BEND6: variants seen among roughly 807,000 people sequenced by gnomAD.
BEND6 encodes the protein BEN domain containing 6.
BEND6 carries 24 observed loss-of-function variants against 31.8 expected under a neutral mutation model. The ratio of observed to expected loss-of-function variants is 0.75; its 90% CI spans 0.55 to 1.06. The LOEUF (loss-of-function observed/expected upper bound fraction) is 1.06. BEND6 is among the 50% of genes least tolerant of loss of function. The pLI is 0.00. For missense variants in BEND6, 294 were observed against 327.4 expected (o/e 0.90, Z 0.79); for synonymous variants, 109 against 114.6 (o/e 0.95, Z 0.31).
At chr6:56,990,635 T>C (rs1826461090) in intron 2 of BEND6, among the ~76,000 whole-genome samples, 1 of 152,180 alleles carries the variant, frequency 6.6e-6, no homozygotes, top group Non-Finnish European at 1.5e-5. Context: ...AGCCTTTGTA[T>C]TTGTGAGGAA....
At chr6:56,983,832 A>T (rs2127854597) in intron 2 of BEND6, among the ~76,000 whole-genome samples, 1 of 152,268 alleles carries the variant, frequency 6.6e-6, no homozygotes, top group African/African-American at 2.4e-5. Flanking sequence ...TGTTTTATTT[A>T]TCCTTTCCTC....
chr6:56,998,853 A>G (rs1826823516), intron 3 of BEND6, among the ~76,000 whole-genome samples: 1 of 152,226 alleles, frequency 6.6e-6, no homozygotes, highest in Non-Finnish European at 1.5e-5. Flanking sequence ...GTGAAGAGAC[A>G]ACCTCTGAAA....
At chr6:56,995,939 CTCCA>C (rs1316896891) in intron 3 of BEND6, among the ~76,000 whole-genome samples, 1 of 152,188 alleles carries the variant, frequency 6.6e-6, no homozygotes, top group African/African-American at 2.4e-5. Flanking sequence ...TTGGACAACT[CTCCA>C]TCCTTGAAAA....
At position 56,981,774 on chromosome 6, in the gene BEND6, T is replaced by C; in HGVS notation, c.-37T>C. ...CATCTTCATGGGTATTCCCTACTCC[T>C]AGGATTTCAGAAAACCTTTGATAAC... On this transcript the variant is annotated 5_prime_UTR_variant, in exon 2 of 7. The change abolishes the stop of an existing upstream ORF in the 5' untranslated region. Transcript: ENST00000370746. 1 of 1,608,010 alleles carries C rather than the reference T, an allele frequency of 6.2e-7. No homozygotes were observed. Among genetic ancestry groups the C allele is most frequent in the Non-Finnish European group, 8.5e-7 (1 of 1,177,330 alleles).
chr6:56,990,227 A>G lies in BEND6; in HGVS notation c.121-2151A>G, dbSNP rs369620431. ...ATGTCAAAGTTCTTCATCTGCATGC[A>G]TCTATTTTGGGCCACTCGCTTCTTT... On this transcript the variant is annotated intron_variant, in intron 2 of 6. Transcript: ENST00000370746. 2.3e-4 allele frequency among the ~76,000 whole-genome samples: 33 copies of G among 143,204 alleles called. 1 individual carries two copies. The East Asian group carries it at 5.5e-3, about 24-fold the overall frequency. The allele number at this position is 143,204 out of a possible 152,430, so 93.9% of individuals were successfully genotyped here. A position where few individuals can be genotyped will look rare whatever the true frequency, so the allele number is the denominator to read the frequency against.
chr6:56,985,579 C>G (rs1826233384), intron 2 of BEND6, among the ~76,000 whole-genome samples: 2 of 152,184 alleles, frequency 1.3e-5, no homozygotes. Context: ...GTCCAAAATA[C>G]TCCTGCTCAT....
chr6:56,998,544 A>T (rs1826811091), intron 3 of BEND6, among the ~76,000 whole-genome samples: 1 of 152,216 alleles, frequency 6.6e-6, no homozygotes, highest in African/African-American at 2.4e-5. Flanking sequence ...AAAACAAAGC[A>T]TCAGCCAAAA....
intron 4 of BEND6, among the ~76,000 whole-genome samples, chr6:57,016,535 T>C (rs1242433916): frequency 6.6e-6 from 1 of 152,220 alleles, no homozygotes; most frequent in African/African-American, 2.4e-5. Flanking sequence ...CCCATTTTCT[T>C]GCTGGTTGTA....
chr6:56,963,122 T>C (rs1825345454), intron 1 of BEND6, among the ~76,000 whole-genome samples: 1 of 152,116 alleles, frequency 6.6e-6, no homozygotes, highest in African/African-American at 2.4e-5. Context: ...ACACAAACCA[T>C]TCCTGTTGCA....
chr6:56,989,141 G>C (rs1019621998), intron 2 of BEND6, among the ~76,000 whole-genome samples: 1 of 149,942 alleles, frequency 6.7e-6, no homozygotes, highest in Admixed American at 6.7e-5. Flanking sequence ...ATATATTATG[G>C]ATTATATATC....
At chr6:56,970,455 G>A (rs1175559583) in intron 1 of BEND6, among the ~76,000 whole-genome samples, 4 of 152,128 alleles carry the variant, frequency 2.6e-5, no homozygotes, top group South Asian at 2.1e-4. Context: ...GATTACAGGC[G>A]TGAACCACCA....
At position 57,017,224 on chromosome 6, in the gene BEND6, G is replaced by A; in HGVS notation, c.537G>A (p.Trp179Ter). 6.4e-7 allele frequency: 1 copy of A among 1,568,158 alleles called. No homozygotes were observed. The highest frequency in any genetic ancestry group is 8.6e-7 in the Non-Finnish European group (1 of 1,158,514). ...TDEKQFQIEK[W>*]QIARCNKSKP... Reference sequence around the variant, plus strand: ...CTTTTTAGTTCCAGATTGAAAAATGGCAGATTGCCCGTTGTAACAAGAGCA... The same window carrying A: ...CTTTTTAGTTCCAGATTGAAAAATGACAGATTGCCCGTTGTAACAAGAGCA... Residue 179 changes from tryptophan to a stop codon, truncating the protein, a stop_gained, in exon 5 of 7, where the codon TGG becomes TGA. Coordinates refer to ENST00000370746, the MANE Select transcript of BEND6 (RefSeq NM_152731.3). LOFTEE classifies it high-confidence loss of function.
chr6:56,991,994 T>G (rs1168210254), intron 2 of BEND6, among the ~76,000 whole-genome samples: 8 of 152,238 alleles, frequency 5.3e-5, no homozygotes. Flanking sequence ...CTGTGTGTAT[T>G]CACAGGCGAA....
chr6:56,981,585 TA>T (rs1826070642), intron 1 of BEND6, 125 bp from the exon 2 acceptor site: 1 of 338,980 alleles, frequency 3.0e-6, no homozygotes, highest in Non-Finnish European at 5.3e-6. Flanking sequence ...AAATGTGTAC[TA>T]AATTAATCAG....
intron 4 of BEND6, among the ~76,000 whole-genome samples, chr6:57,015,763 A>G (rs1477487296): frequency 6.6e-6 from 1 of 150,596 alleles, no homozygotes; most frequent in Non-Finnish European, 1.5e-5. Flanking sequence ...CGAGATCGAG[A>G]TAGTGCCACT....
chr6:56,980,386 A>C (rs1044693648), intron 1 of BEND6, among the ~76,000 whole-genome samples: 1 of 152,128 alleles, frequency 6.6e-6, no homozygotes, highest in Non-Finnish European at 1.5e-5. Flanking sequence ...ATGGGGTTTC[A>C]CCATGTTGCC....
At chr6:56,972,252 G>A (rs1301624965) in intron 1 of BEND6, among the ~76,000 whole-genome samples, 7 of 151,624 alleles carry the variant, frequency 4.6e-5, no homozygotes, top group Non-Finnish European at 8.8e-5. Context: ...GCGCCACCAG[G>A]CCTGACTAAT....
chr6:56,970,341 C>G (rs373528470), intron 1 of BEND6, among the ~76,000 whole-genome samples: 1 of 152,040 alleles, frequency 6.6e-6, no homozygotes, highest in African/African-American at 2.4e-5. Context: ...ATTACAGGCA[C>G]GTGCCACCAT....
chr6:56,999,304 G>A (rs1346660211), intron 3 of BEND6, among the ~76,000 whole-genome samples: 1 of 152,208 alleles, frequency 6.6e-6, no homozygotes, highest in East Asian at 1.9e-4. Context: ...TCATGCCCAG[G>A]CAGATCTCCA....
Sources: allele counts gnomAD v4.1 joint callset (sites outside exome capture counted in the v4.1 genomes callset), GRCh38; gene constraint gnomAD v4.1.1; transcripts MANE v1.5; gene names NCBI Gene and HGNC (gene_info 2026-07-23, HGNC 2026-07-21).